The following MACROD2 variants were observed in gnomAD, a reference collection of about 807,000 sequenced individuals.
MACROD2 encodes mono-ADP ribosylhydrolase 2.
Under a neutral mutation model 70.4 loss-of-function variants are expected in MACROD2, and 36 were observed. The observed-to-expected ratio is 0.51, with a 90% confidence interval of 0.39 to 0.68. The LOEUF is 0.68. Ranked by LOEUF, MACROD2 falls within the 30% of genes least tolerant of loss-of-function variation. The pLI is 0.00. For synonymous variants in MACROD2, 172 were observed against 178.8 expected, an observed-to-expected ratio of 0.96 and a Z score of 0.30; for missense variants, 496 against 538.4, an observed-to-expected ratio of 0.92 and a Z score of 0.78.
In MACROD2 at chr20:15,314,340, C is replaced by T. The variant is rs894500901; in HGVS notation, c.540+84279C>T. ...GCACAGTGGCTCATGCCTGTAATCT[C>T]GGCACTTTGGGAGGCCAAGGTGGGA... On this transcript the variant is annotated intron_variant, in intron 6 of 17. Coordinates refer to ENST00000684519, the MANE Select transcript of MACROD2 (RefSeq NM_001351661.2). Among the ~76,000 whole-genome samples the T allele has an allele frequency of 3.9e-5, 6 of 152,210 alleles. No homozygotes were observed. In the East Asian group the frequency reaches 5.8e-4, roughly 15 times the overall value.
At chr20:15,451,417 TAAAAAAA>T (rs35308671) in intron 7 of MACROD2, among the ~76,000 whole-genome samples, 3,716 of 83,420 alleles carry the variant, frequency 0.045, 176 homozygotes, top group African/African-American at 0.15. Context: ...GGGTGGTAAA[TAAAAAAA>T]AAAAAAAAAA....
intron 2 of MACROD2, among the ~76,000 whole-genome samples, chr20:14,008,702 T>C (rs969996980): frequency 6.6e-6 from 1 of 152,158 alleles, no homozygotes; most frequent in African/African-American, 2.4e-5. Context: ...GGCATCACGC[T>C]ACCTGACTTC....
chr20:14,743,015 C>T (rs2123722563), intron 5 of MACROD2, among the ~76,000 whole-genome samples: 1 of 152,216 alleles, frequency 6.6e-6, no homozygotes, highest in Non-Finnish European at 1.5e-5. Context: ...ATCCGCCCGC[C>T]TCGGCCTCCC....
intron 4 of MACROD2, among the ~76,000 whole-genome samples, chr20:14,507,361 G>T (rs2084979990): frequency 6.6e-6 from 1 of 152,162 alleles, no homozygotes; most frequent in Non-Finnish European, 1.5e-5. Context: ...AAGTAGAATG[G>T]TGATCACCAG....
At chr20:14,192,234 G>C (rs34036645) in intron 3 of MACROD2, among the ~76,000 whole-genome samples, 60 of 150,244 alleles carry the variant, frequency 4.0e-4, no homozygotes, top group Non-Finnish European at 7.3e-4. Flanking sequence ...ATTTTTTTTT[G>C]TTTCTCCTAC....
At chr20:14,260,251 A>G (rs1475620520) in intron 3 of MACROD2, among the ~76,000 whole-genome samples, 6 of 152,344 alleles carry the variant, frequency 3.9e-5, no homozygotes, top group African/African-American at 1.4e-4. Context: ...TTATTTGTGT[A>G]TAGTGAGTAT....
chr20:15,139,441 C>A (rs1333548250), intron 5 of MACROD2, among the ~76,000 whole-genome samples: 1 of 152,100 alleles, frequency 6.6e-6, no homozygotes, highest in African/African-American at 2.4e-5. Context: ...TGCTTAAATA[C>A]CGCAGTGTGG....
chr20:15,499,876 T>G (rs201798358), intron 8 of MACROD2, 29 bp downstream of exon 8: 1 of 1,599,600 alleles, frequency 6.3e-7, no homozygotes, highest in African/African-American at 1.3e-5. Flanking sequence ...TCAGTGAACA[T>G]CCAAGATGAT....
chr20:14,920,576 C>T (rs965577329), intron 5 of MACROD2, among the ~76,000 whole-genome samples: 4 of 151,978 alleles, frequency 2.6e-5, no homozygotes, highest in Admixed American at 2.6e-4. Context: ...GAAGACAGAA[C>T]TTTTTCAAGG....
intron 6 of MACROD2, among the ~76,000 whole-genome samples, chr20:15,354,387 T>C (rs1268763824): frequency 1.3e-5 from 2 of 152,026 alleles, no homozygotes; most frequent in Non-Finnish European, 1.5e-5. Context: ...CATTAGGAGA[T>C]ATACCTAATG....
intron 12 of MACROD2, among the ~76,000 whole-genome samples, chr20:15,962,087 A>T (rs2066070328): frequency 6.6e-6 from 1 of 152,196 alleles, no homozygotes; most frequent in African/African-American, 2.4e-5. Flanking sequence ...TTACATTATG[A>T]TGATTCTTTG....
intron 5 of MACROD2, among the ~76,000 whole-genome samples, chr20:14,941,949 A>ATT (rs11479452): frequency 1.0e-4 from 14 of 139,604 alleles, no homozygotes; most frequent in Non-Finnish European, 1.6e-4. Context: ...ATGCCCGGCT[A>ATT]TTTTTTTTTT....
rs575676059 is a variant in MACROD2 at position 14,599,064 on chromosome 20, A to G, written c.302-85779A>G. The stretch of plus-strand genomic sequence containing the variant: ...TAAAGTTACCAAAAGGTGTCTGGGT[A>G]TGTCAGGGTGAGGCATTAACCATCT... On this transcript the variant is annotated intron_variant, in intron 4 of 17. Coordinates refer to ENST00000684519, the MANE Select transcript of MACROD2 (RefSeq NM_001351661.2). Among the ~76,000 whole-genome samples, 30 of 152,308 alleles carry G rather than the reference A, an allele frequency of 2.0e-4. No homozygotes were observed. The South Asian group carries it at 6.0e-3, about 31-fold the overall frequency.
At chr20:14,743,385 C>G (rs1453614043) in intron 5 of MACROD2, among the ~76,000 whole-genome samples, 4 of 151,936 alleles carry the variant, frequency 2.6e-5, no homozygotes, top group Non-Finnish European at 5.9e-5. Flanking sequence ...TCATATGAGT[C>G]CTTAAAAGCA....
chr20:15,396,932 C>T (rs2045867597), intron 6 of MACROD2, among the ~76,000 whole-genome samples: 1 of 152,288 alleles, frequency 6.6e-6, no homozygotes, highest in East Asian at 1.9e-4. Context: ...GAGAGCAGAA[C>T]GGTGCATTCC....
rs142171554 is a variant in MACROD2 at position 14,206,989 on chromosome 20, T to C, written c.271+121261T>C. Among the ~76,000 whole-genome samples the C allele has an allele frequency of 2.9e-3, 443 of 152,244 alleles. 2 individuals carry two copies. Among genetic ancestry groups the C allele is most frequent in the African/African-American group, 0.01 (416 of 41,548 alleles). On this transcript the variant is annotated intron_variant, in intron 3 of 17. Coordinates refer to ENST00000684519, the MANE Select transcript of MACROD2 (RefSeq NM_001351661.2). ...TAGTGATAATAATAGAAAAAGGAAA[T>C]TTAAGAGAAAGATGGGCAATATGCT... is the stretch of plus-strand genomic sequence containing the variant.
chr20:14,261,836 T>A (rs1217988160), intron 3 of MACROD2, among the ~76,000 whole-genome samples: 2 of 152,136 alleles, frequency 1.3e-5, no homozygotes. Flanking sequence ...AGCCATGTAA[T>A]CAAAGTCTTC....
intron 8 of MACROD2, among the ~76,000 whole-genome samples, chr20:15,848,347 C>T (rs1464213724): frequency 6.6e-6 from 1 of 151,976 alleles, no homozygotes; most frequent in East Asian, 1.9e-4. Flanking sequence ...AGGCCAAAGT[C>T]ACTGTACAAG....
chr20:15,807,025 T>A (rs1313174860), intron 8 of MACROD2, among the ~76,000 whole-genome samples: 3 of 152,250 alleles, frequency 2.0e-5, no homozygotes, highest in African/African-American at 7.2e-5. Context: ...ACGAGGATCT[T>A]TGCTTGGCCT....
Sources: gnomAD v4.1 joint callset for allele counts (sites outside exome capture counted in the v4.1 genomes callset) on GRCh38, gnomAD v4.1.1 for gene constraint, MANE v1.5 for transcripts, NCBI Gene and HGNC (gene_info 2026-07-23, HGNC 2026-07-21) for gene names.